The following GPHN variants were observed in gnomAD, a reference collection of about 807,000 sequenced individuals.
GPHN encodes the protein gephyrin.
In GPHN, 17 loss-of-function variants were observed where a neutral mutation model predicts 95.5. That is an observed-to-expected ratio of 0.18 (90% CI 0.12 to 0.27). GPHN has a LOEUF of 0.27. Among genes scored for constraint, GPHN ranks in the 10% least tolerant of loss-of-function variants. The pLI is 1.00. For synonymous variants in GPHN, 320 were observed against 322.5 expected (o/e 0.99, Z 0.08); for missense variants, 660 against 978.1 (o/e 0.67, Z 4.34).
the GPHN span, chr14:67,651,334 A>T: frequency 6.2e-7 from 1 of 1,611,408 alleles, no homozygotes; most frequent in Non-Finnish European, 8.5e-7. Flanking sequence ...CCCTAACATC[A>T]TGCATTCACA....
the GPHN span, among the ~76,000 whole-genome samples, chr14:67,435,054 C>G: frequency 6.6e-6 from 1 of 151,276 alleles, no homozygotes; most frequent in Non-Finnish European, 1.5e-5. Flanking sequence ...GCAGCCTCCT[C>G]CTCCTGGGTT....
chr14:67,005,044 GTAGCATA>G (rs1313769601), intron 9 of GPHN, among the ~76,000 whole-genome samples: 1 of 151,306 alleles, frequency 6.6e-6, no homozygotes, highest in Non-Finnish European at 1.5e-5. Flanking sequence ...GTCAGAATGA[GTAGCATA>G]TGCACAGCAA....
At chr14:66,871,961 G>C (rs757653847) in intron 4 of GPHN, among the ~76,000 whole-genome samples, 1 of 152,032 alleles carries the variant, frequency 6.6e-6, no homozygotes, top group Non-Finnish European at 1.5e-5. Flanking sequence ...ATTTAAATAC[G>C]TAAAAAAAGA....
intron 11 of GPHN, among the ~76,000 whole-genome samples, chr14:67,063,771 AG>A (rs2075920514): frequency 6.6e-6 from 1 of 152,128 alleles, no homozygotes; most frequent in Non-Finnish European, 1.5e-5. Flanking sequence ...TGATTTTTGC[AG>A]GTTGATTTTG....
downstream of GPHN, among the ~76,000 whole-genome samples, chr14:67,182,679 T>A (rs1404370631): frequency 3.3e-5 from 5 of 152,050 alleles, no homozygotes. Context: ...ACCTTACACT[T>A]CATTAGGGAG....
At chr14:66,858,184 G>A (rs1457867081) in intron 4 of GPHN, among the ~76,000 whole-genome samples, 1 of 151,998 alleles carries the variant, frequency 6.6e-6, no homozygotes, top group Non-Finnish European at 1.5e-5. Flanking sequence ...TAAGACACCA[G>A]CCAGGACAGC....
rs561376758 is a variant in GPHN, at chr14:66,939,549, G to C, written c.828+15257G>C. Reference sequence around the variant, plus strand: ...TCCTGCCTCACAGATTTAATTGCAGGCCACCCCACACGCAAGCTGAAGACC... The same window carrying C: ...TCCTGCCTCACAGATTTAATTGCAGCCCACCCCACACGCAAGCTGAAGACC... On this transcript the variant is annotated intron_variant, in intron 8 of 22. Transcript: ENST00000478722. Among the ~76,000 whole-genome samples the C allele has an allele frequency of 4.0e-3, 602 of 152,094 alleles. 5 individuals carry two copies. The highest frequency in any genetic ancestry group is 0.014 in the African/African-American group (578 of 41,492).
chr14:67,223,597 T>G, the GPHN span: 1 of 444,026 alleles, frequency 2.3e-6, no homozygotes, highest in Non-Finnish European at 3.0e-6. Context: ...AAAATTCCAC[T>G]CTGGGCTTGT....
At chr14:66,746,710 C>T (rs1266703260) in intron 2 of GPHN, among the ~76,000 whole-genome samples, 1 of 152,016 alleles carries the variant, frequency 6.6e-6, no homozygotes, top group East Asian at 1.9e-4. Flanking sequence ...TTGTTTCTTT[C>T]TGCAGTTTTA....
intron 11 of GPHN, among the ~76,000 whole-genome samples, chr14:67,083,841 T>C (rs973900111): frequency 2.6e-4 from 40 of 152,150 alleles, no homozygotes; most frequent in Admixed American, 5.2e-4. Flanking sequence ...GAAATGAGAT[T>C]AGAGATTAGC....
the GPHN span, among the ~76,000 whole-genome samples, chr14:67,509,278 T>G: frequency 6.6e-6 from 1 of 152,164 alleles, no homozygotes; most frequent in Non-Finnish European, 1.5e-5. Flanking sequence ...GAATCTGTAC[T>G]TCTGTCTCCT....
chr14:66,548,563 C>T (rs546947856), intron 1 of GPHN, among the ~76,000 whole-genome samples: 7 of 152,246 alleles, frequency 4.6e-5, no homozygotes, highest in African/African-American at 1.4e-4. Context: ...ACTCTTCCAC[C>T]GACGAGCAGT....
At chr14:66,728,657 C>T (rs1418846068) in intron 2 of GPHN, among the ~76,000 whole-genome samples, 1 of 152,204 alleles carries the variant, frequency 6.6e-6, no homozygotes, top group Admixed American at 6.5e-5. Flanking sequence ...CAATTTCTCC[C>T]ATTTGTAAGG....
chr14:67,258,181 G>A, the GPHN span, among the ~76,000 whole-genome samples: 3 of 152,004 alleles, frequency 2.0e-5, no homozygotes, highest in African/African-American at 7.2e-5. Flanking sequence ...ACTACCAGTA[G>A]ATGGGAAGTC....
chr14:67,446,040 A>G, the GPHN span: 3 of 518,416 alleles, frequency 5.8e-6, no homozygotes, highest in Non-Finnish European at 1.2e-5. Context: ...TAATGGCAAG[A>G]TGGGAGGCCC....
intron 3 of GPHN, among the ~76,000 whole-genome samples, chr14:66,817,633 G>T (rs1470943342): frequency 6.6e-6 from 1 of 152,084 alleles, no homozygotes; most frequent in Non-Finnish European, 1.5e-5. Context: ...TGAGTCTAAG[G>T]TCACTCATGT....
the GPHN span, chr14:67,199,210 C>G: frequency 3.1e-6 from 5 of 1,607,006 alleles, no homozygotes; most frequent in Admixed American, 8.3e-5. Context: ...GATAGAGTCA[C>G]TGGCCAGCAC....
chr14:67,590,249 A>ATTTTT, the GPHN span: 8 of 733,392 alleles, frequency 1.1e-5, no homozygotes, highest in South Asian at 2.6e-5. Context: ...CCACTTGCAA[A>ATTTTT]TTTTTTTTTT....
chr14:67,173,953 G>C (rs112005162), intron 21 of GPHN, among the ~76,000 whole-genome samples: 1 of 151,930 alleles, frequency 6.6e-6, no homozygotes, highest in Non-Finnish European at 1.5e-5. Context: ...TTGTCAGGCC[G>C]AAGACTTTCT....
Sources: gnomAD v4.1 joint callset for allele counts (sites outside exome capture counted in the v4.1 genomes callset) on GRCh38, gnomAD v4.1.1 for gene constraint, MANE v1.5 for transcripts, NCBI Gene and HGNC (gene_info 2026-07-23, HGNC 2026-07-21) for gene names.